BTBD10: variants seen among roughly 807,000 people sequenced by gnomAD.
BTBD10 encodes BTB domain containing 10.
Under a neutral mutation model 53.2 loss-of-function variants are expected in BTBD10, and 21 were observed. The ratio of observed to expected loss-of-function variants is 0.39; its 90% CI spans 0.28 to 0.57. BTBD10 has a LOEUF of 0.57. Ranked by LOEUF, BTBD10 falls within the 20% of genes least tolerant of loss-of-function variation. The probability of loss-of-function intolerance (pLI) is 0.53; values close to 1 mark genes in which losing one functional copy is unlikely to be tolerated. For missense variants in BTBD10, 360 were observed against 594.7 expected (o/e 0.61, Z 4.10); for synonymous variants, 149 against 192.7 (o/e 0.77, Z 1.88).
At chr11:13,411,058 G>A (rs532572324) in intron 6 of BTBD10, among the ~76,000 whole-genome samples, 27 of 152,274 alleles carry the variant, frequency 1.8e-4, no homozygotes, top group Non-Finnish European at 3.4e-4. Flanking sequence ...CATAGAGAAA[G>A]GGAAAGACTG....
intron 4 of BTBD10, 108 bp from the exon 5 acceptor site, chr11:13,417,368 C>T (rs1322090619): frequency 1.1e-5 from 8 of 719,906 alleles, no homozygotes; most frequent in Non-Finnish European, 1.7e-5. Context: ...AAATTTAGTT[C>T]AAGAATTTTT....
chr11:13,404,215 A>T (rs1202668986), intron 7 of BTBD10, among the ~76,000 whole-genome samples: 1 of 152,204 alleles, frequency 6.6e-6, no homozygotes, highest in Admixed American at 6.5e-5. Flanking sequence ...TCATAAAGTC[A>T]CATATAGAAA....
At chr11:13,447,028 T>C (rs11022830) in intron 1 of BTBD10, among the ~76,000 whole-genome samples, 22,869 of 152,120 alleles carry the variant, frequency 0.15, 1,984 homozygotes, top group Admixed American at 0.24. Context: ...ATGTAGAGAT[T>C]TGGCAGATTC....
intron 1 of BTBD10, chr11:13,462,772 G>C (rs577939022): frequency 6.5e-4 from 99 of 152,496 alleles, no homozygotes; most frequent in African/African-American, 2.1e-3. Context: ...TGACAGGAAA[G>C]GGGCGGGGCA....
At chr11:13,408,545 T>C (rs72870943) in intron 6 of BTBD10, among the ~76,000 whole-genome samples, 16,043 of 152,234 alleles carry the variant, frequency 0.11, 949 homozygotes, top group Middle Eastern at 0.15. Flanking sequence ...TACCCAATGC[T>C]CCACTTAACA....
At chr11:13,452,372 T>C (rs962692529) in intron 1 of BTBD10, among the ~76,000 whole-genome samples, 5 of 152,178 alleles carry the variant, frequency 3.3e-5, no homozygotes, top group Admixed American at 6.5e-5. Context: ...TGTACCTTAA[T>C]TGTGGTAGTG....
intron 8 of BTBD10, among the ~76,000 whole-genome samples, chr11:13,401,880 T>C (rs1949722242): frequency 6.6e-6 from 1 of 152,196 alleles, no homozygotes; most frequent in African/African-American, 2.4e-5. Flanking sequence ...TCCTCATTTA[T>C]TATACCAGAC....
intron 1 of BTBD10, among the ~76,000 whole-genome samples, chr11:13,459,511 A>G (rs192842421): frequency 3.3e-4 from 50 of 152,326 alleles, no homozygotes; most frequent in Non-Finnish European, 5.3e-4. Flanking sequence ...TTCTTTCTCC[A>G]TTAACAGGAG....
intron 1 of BTBD10, among the ~76,000 whole-genome samples, chr11:13,455,940 C>G (rs914988850): frequency 1.3e-5 from 2 of 152,130 alleles, no homozygotes; most frequent in Admixed American, 1.3e-4. Flanking sequence ...AGTAAAGGCT[C>G]TATTAAATAT....
chr11:13,451,994 T>C (rs904210182), intron 1 of BTBD10, among the ~76,000 whole-genome samples: 16 of 151,916 alleles, frequency 1.1e-4, no homozygotes, highest in Non-Finnish European at 2.4e-4. Flanking sequence ...TACAATGGCA[T>C]ATGGAGATAA....
At chr11:13,395,562 T>A (rs1357719628) in intron 8 of BTBD10, among the ~76,000 whole-genome samples, 1 of 152,234 alleles carries the variant, frequency 6.6e-6, no homozygotes, top group Non-Finnish European at 1.5e-5. Context: ...ATTTGTCAAT[T>A]TTGGCTTTTG....
intron 5 of BTBD10, among the ~76,000 whole-genome samples, chr11:13,414,563 A>C (rs1321092369): frequency 1.3e-5 from 2 of 152,106 alleles, no homozygotes; most frequent in African/African-American, 4.8e-5. Flanking sequence ...CTGAGGCAGG[A>C]GAATGGCATG....
chr11:13,419,385 A>G, intron 4 of BTBD10, 75 bp downstream of exon 4: 1 of 1,541,938 alleles, frequency 6.5e-7, no homozygotes, highest in Non-Finnish European at 8.7e-7. Context: ...GAATTACTGT[A>G]AAACTTAAAC....
At chr11:13,457,647 T>C (rs2134063337) in intron 1 of BTBD10, among the ~76,000 whole-genome samples, 1 of 152,332 alleles carries the variant, frequency 6.6e-6, no homozygotes, top group South Asian at 2.1e-4. Flanking sequence ...GTTACCTATA[T>C]GGGCAGAGTA....
At chr11:13,456,249 G>C (rs1950965888) in intron 1 of BTBD10, among the ~76,000 whole-genome samples, 1 of 152,080 alleles carries the variant, frequency 6.6e-6, no homozygotes. Context: ...CCAACCAATA[G>C]AAGAGAATTA....
intron 8 of BTBD10, among the ~76,000 whole-genome samples, chr11:13,389,345 T>G (rs1298756456): frequency 1.3e-5 from 2 of 152,148 alleles, no homozygotes; most frequent in African/African-American, 2.4e-5. Flanking sequence ...CTTCTATCAT[T>G]CTTTCAATTA....
At chr11:13,397,652 C>G (rs1199321871) in intron 8 of BTBD10, among the ~76,000 whole-genome samples, 4 of 152,162 alleles carry the variant, frequency 2.6e-5, no homozygotes, top group Non-Finnish European at 5.9e-5. Context: ...AATTTTAGAT[C>G]TTTCCTGCTT....
intron 5 of BTBD10, among the ~76,000 whole-genome samples, chr11:13,414,071 T>C (rs1025114083): frequency 6.6e-6 from 1 of 152,214 alleles, no homozygotes; most frequent in Non-Finnish European, 1.5e-5. Flanking sequence ...AAATACTACC[T>C]AGATAATTTA....
At chr11:13,440,025 C>T in intron 2 of BTBD10, 1 of 1,533,392 alleles carries the variant, frequency 6.5e-7, no homozygotes, top group Non-Finnish European at 8.7e-7. Flanking sequence ...GAAACTTTAG[C>T]ACATCTGATA....
Sources: allele counts gnomAD v4.1 joint callset (sites outside exome capture counted in the v4.1 genomes callset), GRCh38; gene constraint gnomAD v4.1.1; transcripts MANE v1.5; gene names NCBI Gene and HGNC (gene_info 2026-07-23, HGNC 2026-07-21).